TENM2: variants seen among roughly 807,000 people sequenced by gnomAD.
The protein encoded by TENM2 is teneurin-2.
TENM2 carries 52 observed loss-of-function variants against 245.2 expected under a neutral mutation model. That is an observed-to-expected ratio of 0.21 (90% CI 0.17 to 0.27). The LOEUF (loss-of-function observed/expected upper bound fraction) is 0.27, where lower values mean the gene tolerates loss of function less well. TENM2 is among the 10% of genes least tolerant of loss of function. TENM2 has a pLI of 1.00. For synonymous variants in TENM2, 1,363 were observed against 1,438.9 expected, an observed-to-expected ratio of 0.95 and a Z score of 1.19; for missense variants, 3,046 against 3,666.8, an observed-to-expected ratio of 0.83 and a Z score of 4.37.
intron 8 of TENM2, among the ~76,000 whole-genome samples, chr5:168,094,849 C>T (rs115470835): frequency 8.1e-4 from 124 of 152,200 alleles, no homozygotes; most frequent in African/African-American, 2.9e-3. Context: ...AGTTGCTCTT[C>T]ATTGCTTGCA....
At chr5:167,360,160 C>G (rs1422532) in intron 1 of TENM2, among the ~76,000 whole-genome samples, 146,099 of 152,258 alleles carry the variant, frequency 0.96, 70,149 homozygotes, top group African/African-American at 0.99. Flanking sequence ...ATGTACTGCT[C>G]AACCTAAAAT....
chr5:168,215,125 T>A, exon 21 of TENM2: 1 of 1,613,932 alleles, frequency 6.2e-7, no homozygotes, highest in South Asian at 1.1e-5. Flanking sequence ...CAGGAGAATC[T>A]ACCGCGTCAA....
intron 2 of TENM2, among the ~76,000 whole-genome samples, chr5:167,765,638 G>A (rs891670956): frequency 3.9e-5 from 6 of 152,140 alleles, no homozygotes; most frequent in East Asian, 3.9e-4. Context: ...ATTATCTGCC[G>A]CGGAGCTCGG....
At chr5:167,354,539 G>A (rs896531211) in intron 1 of TENM2, among the ~76,000 whole-genome samples, 4 of 152,118 alleles carry the variant, frequency 2.6e-5, no homozygotes, top group Non-Finnish European at 4.4e-5. Context: ...TGGGAAAGGG[G>A]CTTTATGTCT....
At chr5:168,005,481 A>G (rs1054106187) in intron 5 of TENM2, among the ~76,000 whole-genome samples, 3 of 152,198 alleles carry the variant, frequency 2.0e-5, no homozygotes, top group Non-Finnish European at 4.4e-5. Flanking sequence ...CCCCTCCCCA[A>G]AAACTTTATC....
the TENM2 span, among the ~76,000 whole-genome samples, chr5:167,086,918 AACACACACACGCACACACAC>A: frequency 9.1e-5 from 10 of 110,028 alleles, no homozygotes; most frequent in Non-Finnish European, 1.5e-4. Flanking sequence ...AGGAAACTCT[AACACACACACGCACACACAC>A]ACACACACAC....
the TENM2 span, among the ~76,000 whole-genome samples, chr5:167,100,626 C>A: frequency 1.3e-5 from 2 of 152,220 alleles, no homozygotes; most frequent in South Asian, 4.1e-4. Context: ...CTTGCCACCC[C>A]CTTTGCTCCT....
At chr5:167,408,504 A>T (rs972544628) in intron 2 of TENM2, among the ~76,000 whole-genome samples, 21 of 152,044 alleles carry the variant, frequency 1.4e-4, no homozygotes, top group Non-Finnish European at 2.5e-4. Context: ...TATTCTTGAC[A>T]TGTTACTCTT....
intron 3 of TENM2, among the ~76,000 whole-genome samples, chr5:167,943,292 G>A (rs951862048): frequency 6.7e-5 from 9 of 134,274 alleles, no homozygotes; most frequent in African/African-American, 2.2e-4. Context: ...ATCAGAGTTT[G>A]TTTCCATTAT....
chr5:168,260,570 C>T (rs1397789931), intron 28 of TENM2, among the ~76,000 whole-genome samples, 157 bp downstream of exon 30: 1 of 152,210 alleles, frequency 6.6e-6, no homozygotes, highest in Admixed American at 6.5e-5. Context: ...AAGCGAATGT[C>T]AGTGCTGTCG....
intron 27 of TENM2, among the ~76,000 whole-genome samples, chr5:168,253,504 C>G (rs1364690503): frequency 2.7e-5 from 4 of 149,960 alleles, no homozygotes; most frequent in African/African-American, 7.4e-5. Context: ...TGGCTCACTG[C>G]AAGCTCCGCC....
At chr5:167,399,534 G>A (rs2127382944) in intron 2 of TENM2, among the ~76,000 whole-genome samples, 1 of 152,278 alleles carries the variant, frequency 6.6e-6, no homozygotes, top group South Asian at 2.1e-4. Flanking sequence ...CACATCCTCA[G>A]AAGAAAGTCC....
chr5:167,247,845 T>A, the TENM2 span, among the ~76,000 whole-genome samples: 1 of 152,090 alleles, frequency 6.6e-6, no homozygotes, highest in Non-Finnish European at 1.5e-5. Context: ...TGAAGGAACA[T>A]GAAATTAAAT....
intron 5 of TENM2, among the ~76,000 whole-genome samples, chr5:168,019,791 G>A (rs1252275677): frequency 1.3e-5 from 2 of 152,162 alleles, no homozygotes; most frequent in African/African-American, 4.8e-5. Flanking sequence ...AGCAGAATTG[G>A]GTTTAATAAA....
the TENM2 span, among the ~76,000 whole-genome samples, chr5:167,074,686 G>A: frequency 2.0e-5 from 3 of 152,154 alleles, no homozygotes; most frequent in Non-Finnish European, 4.4e-5. Context: ...TGTCTACCAC[G>A]GCTAGTTTTC....
chr5:167,344,784 T>A (rs1432784703), intron 1 of TENM2, among the ~76,000 whole-genome samples: 1 of 152,064 alleles, frequency 6.6e-6, no homozygotes, highest in Non-Finnish European at 1.5e-5. Context: ...TCAGATGTCA[T>A]AACTGCTCTT....
At chr5:167,013,005 A>T in the TENM2 span, among the ~76,000 whole-genome samples, 3 of 152,220 alleles carry the variant, frequency 2.0e-5, no homozygotes, top group African/African-American at 7.2e-5. Flanking sequence ...TAGTAGTACA[A>T]GGTGAAGCTA....
At chr5:167,170,317 G>A in the TENM2 span, among the ~76,000 whole-genome samples, 1 of 152,166 alleles carries the variant, frequency 6.6e-6, no homozygotes, top group Non-Finnish European at 1.5e-5. Flanking sequence ...ATAGGATTTT[G>A]TTTGAATCTC....
chr5:167,543,573 A>G (rs1262319370), intron 2 of TENM2, among the ~76,000 whole-genome samples: 1 of 152,118 alleles, frequency 6.6e-6, no homozygotes, highest in Non-Finnish European at 1.5e-5. Flanking sequence ...AACAATGCCT[A>G]TTTTATCCGT....
Sources: gnomAD v4.1 joint callset for allele counts (sites outside exome capture counted in the v4.1 genomes callset) on GRCh38, gnomAD v4.1.1 for gene constraint, MANE v1.5 for transcripts, NCBI Gene and HGNC (gene_info 2026-07-23, HGNC 2026-07-21) for gene names.